Variants in CPXM2 observed in about 807,000 individuals in gnomAD.
The protein encoded by CPXM2 is carboxypeptidase X, M14 family member 2, also known as inactive carboxypeptidase-like protein X2.
CPXM2 carries 66 observed loss-of-function variants against 86.1 expected under a neutral mutation model. The observed-to-expected ratio is 0.77, with a 90% CI of 0.63 to 0.94. The LOEUF is 0.94. CPXM2 is among the 40% of genes least tolerant of loss of function. The probability of loss-of-function intolerance (pLI) is 0.00; values close to 1 mark genes in which losing one functional copy is unlikely to be tolerated. For synonymous variants in CPXM2, 388 were observed against 400.2 expected, an observed-to-expected ratio of 0.97 and a Z score of 0.36; for missense variants, 948 against 1,026.3, an observed-to-expected ratio of 0.92 and a Z score of 1.04.
chr10:123,889,281 A>G (rs978584627), intron 1 of CPXM2, among the ~76,000 whole-genome samples: 2 of 152,206 alleles, frequency 1.3e-5, no homozygotes, highest in Non-Finnish European at 2.9e-5. Flanking sequence ...AGTCCCCAGG[A>G]CAATCAAGCT....
intron 13 of CPXM2, chr10:123,749,961 A>G (rs994424373): frequency 2.5e-5 from 7 of 277,078 alleles, no homozygotes; most frequent in African/African-American, 7.4e-5. Flanking sequence ...GTGCACCATC[A>G]TGCTCGGCTA....
intron 2 of CPXM2, among the ~76,000 whole-genome samples, chr10:123,929,436 C>G (rs901774082): frequency 6.6e-6 from 1 of 152,144 alleles, no homozygotes; most frequent in African/African-American, 2.4e-5. Flanking sequence ...CAGTCTTTGA[C>G]AAAAGTGAAA....
rs114696837 is a variant in CPXM2, at chr10:123,790,196, G to A, written c.889+7780C>T. 7.1e-3 allele frequency among the ~76,000 whole-genome samples: 1,077 copies of A among 152,276 alleles called. 14 individuals are homozygous for A. Among genetic ancestry groups the A allele is most frequent in the African/African-American group, 0.024 (989 of 41,548 alleles). On this transcript the variant is annotated intron_variant, in intron 6 of 13. Coordinates refer to ENST00000241305, the MANE Select transcript of CPXM2 (RefSeq NM_198148.3). Reference sequence around the variant, plus strand: ...TGGCGGGAAAGGTGGTTACAGAACAGGTGACTCAGGATAATTCAGGTCAGA... The same window carrying A: ...TGGCGGGAAAGGTGGTTACAGAACAAGTGACTCAGGATAATTCAGGTCAGA...
intron 2 of CPXM2, among the ~76,000 whole-genome samples, chr10:123,905,983 G>A (rs765918674): frequency 1.3e-5 from 2 of 152,110 alleles, no homozygotes; most frequent in Admixed American, 6.5e-5. Context: ...ACCTCCCGAC[G>A]GTCTGTCCAC....
At chr10:123,909,845 T>C (rs1731823698) in intron 2 of CPXM2, among the ~76,000 whole-genome samples, 1 of 152,194 alleles carries the variant, frequency 6.6e-6, no homozygotes, top group African/African-American at 2.4e-5. Flanking sequence ...GTATCAGTCA[T>C]GTGTTCACCC....
intron 7 of CPXM2, among the ~76,000 whole-genome samples, chr10:123,772,385 G>A (rs1380098560): frequency 6.6e-6 from 1 of 151,852 alleles, no homozygotes; most frequent in African/African-American, 2.4e-5. Context: ...CTCCCTGGTT[G>A]TGATCATCAC....
chr10:123,766,884 C>A, intron 10 of CPXM2, 89 bp downstream of exon 10: 1 of 1,081,652 alleles, frequency 9.2e-7, no homozygotes, highest in Non-Finnish European at 1.4e-6. Context: ...AGTTTTGTCT[C>A]TTTCTTAAAT....
intron 3 of CPXM2, among the ~76,000 whole-genome samples, chr10:123,854,670 T>C (rs1374385476): frequency 6.6e-6 from 1 of 150,658 alleles, no homozygotes; most frequent in East Asian, 2.0e-4. Flanking sequence ...AGCCTGTGTG[T>C]CTACTCCGCA....
chr10:123,774,888 G>A (rs992613236), intron 7 of CPXM2, among the ~76,000 whole-genome samples: 1 of 152,206 alleles, frequency 6.6e-6, no homozygotes, highest in Admixed American at 6.5e-5. Flanking sequence ...ATAGCACCAT[G>A]TTTTAATAAA....
chr10:123,926,911 C>T (rs1011521997), intron 2 of CPXM2, among the ~76,000 whole-genome samples: 14 of 152,294 alleles, frequency 9.2e-5, no homozygotes, highest in East Asian at 1.9e-4. Context: ...TTAAGTTTCC[C>T]GAGAGTTCCA....
rs375859249 is a variant in CPXM2, at chr10:123,913,076, G to A, written n.174+26401C>T. 5.9e-5 allele frequency among the ~76,000 whole-genome samples: 9 copies of A among 152,344 alleles called. No individual in the cohort carries two copies. In the South Asian group the frequency reaches 1.9e-3, roughly 32 times the overall value. On this transcript the variant is annotated intron_variant and non_coding_transcript_variant, in intron 2 of 19. Transcript: ENST00000368854. ...CTGCATAGTAGCTCTTACTCTAGGAGGCTGCTGGGCTCTCTGCCTTGATTT... is the reference window on the plus strand; with the variant it reads ...CTGCATAGTAGCTCTTACTCTAGGAAGCTGCTGGGCTCTCTGCCTTGATTT...
intron 2 of CPXM2, among the ~76,000 whole-genome samples, chr10:123,899,358 A>G (rs1303495581): frequency 1.3e-5 from 2 of 152,250 alleles, no homozygotes; most frequent in African/African-American, 2.4e-5. Context: ...AAATCGACCT[A>G]TGTAATTTAT....
At chr10:123,904,895 G>A (rs1212533197) in intron 2 of CPXM2, among the ~76,000 whole-genome samples, 3 of 151,606 alleles carry the variant, frequency 2.0e-5, no homozygotes, top group Admixed American at 6.6e-5. Context: ...CCACCTGGAG[G>A]GCCCGAGCTC....
chr10:123,756,442 C>G (rs1460488411), intron 12 of CPXM2, among the ~76,000 whole-genome samples: 1 of 152,148 alleles, frequency 6.6e-6, no homozygotes, highest in Admixed American at 6.5e-5. Flanking sequence ...GCGGAGGCAG[C>G]AGCAGCCCCT....
At position 123,765,913 on chromosome 10, in the gene CPXM2, C is replaced by A. The variant is rs561033696; in HGVS notation, c.1479+1060G>T. Among the ~76,000 whole-genome samples, 19 of 152,152 alleles carry A rather than the reference C, an allele frequency of 1.2e-4. 1 individual carries two copies. The East Asian group carries it at 3.3e-3, about 26-fold the overall frequency. ...CTTGAATCCCCAGTAGAAGTCCGAT[C>A]TTTTGTTGTTGTTGTTTGTTTGTTT... On this transcript the variant is annotated intron_variant, in intron 10 of 13. Coordinates refer to ENST00000241305, the MANE Select transcript of CPXM2 (RefSeq NM_198148.3).
intron 2 of CPXM2, among the ~76,000 whole-genome samples, chr10:123,901,429 T>TTGTGTGTGTGTG (rs3069582): frequency 0.029 from 3,975 of 138,938 alleles, 91 homozygotes; most frequent in African/African-American, 0.054. Flanking sequence ...CCAAGCAAGT[T>TTGTGTGTGTGTG]TGTGTGTGTG....
chr10:123,847,399 G>C (rs371660299), intron 3 of CPXM2, among the ~76,000 whole-genome samples: 1 of 152,084 alleles, frequency 6.6e-6, no homozygotes, highest in African/African-American at 2.4e-5. Flanking sequence ...GGTGGTACAG[G>C]CCTGTAATCT....
At chr10:123,794,772 C>T (rs1202385137) in intron 6 of CPXM2, among the ~76,000 whole-genome samples, 62 of 111,274 alleles carry the variant, frequency 5.6e-4, no homozygotes, top group Middle Eastern at 4.2e-3. Context: ...TGTGTGTGCG[C>T]ATGTGTGTGT....
chr10:123,924,796 T>A (rs1023727107), intron 2 of CPXM2, among the ~76,000 whole-genome samples: 1 of 152,096 alleles, frequency 6.6e-6, no homozygotes, highest in African/African-American at 2.4e-5. Context: ...ACAAGAGTCA[T>A]CTCATTAGAA....
Sources: gnomAD v4.1 joint callset for allele counts (sites outside exome capture counted in the v4.1 genomes callset) on GRCh38, gnomAD v4.1.1 for gene constraint, MANE v1.5 for transcripts, NCBI Gene and HGNC (gene_info 2026-07-23, HGNC 2026-07-21) for gene names.